BRMS1L: variants seen among roughly 807,000 people sequenced by gnomAD.
BRMS1L encodes breast cancer metastasis-suppressor 1-like protein.
BRMS1L carries 23 observed loss-of-function variants against 50.3 expected under a neutral mutation model. That is an observed-to-expected ratio of 0.46 (90% CI 0.33 to 0.65). BRMS1L has a LOEUF of 0.65. Ranked by LOEUF, BRMS1L falls within the 30% of genes least tolerant of loss-of-function variation. The pLI is 0.02. For synonymous variants in BRMS1L, 114 were observed against 126.9 expected (o/e 0.90, Z 0.69); for missense variants, 286 against 386.1 (o/e 0.74, Z 2.17).
intron 4 of BRMS1L, among the ~76,000 whole-genome samples, chr14:35,843,574 C>T (rs187002657): frequency 1.3e-5 from 2 of 152,316 alleles, no homozygotes; most frequent in African/African-American, 2.4e-5. Flanking sequence ...CAGAGGGGCA[C>T]CTGCCAGATG....
At chr14:35,862,435 C>A (rs11624286) in intron 4 of BRMS1L, among the ~76,000 whole-genome samples, 155 bp from the exon 5 acceptor site, 7,226 of 152,186 alleles carry the variant, frequency 0.047, 268 homozygotes, top group East Asian at 0.24. Flanking sequence ...TTATTTCTTT[C>A]ATGTATTTGA....
intron 4 of BRMS1L, among the ~76,000 whole-genome samples, chr14:35,846,767 T>C (rs1406171778): frequency 6.6e-6 from 1 of 152,348 alleles, no homozygotes; most frequent in South Asian, 2.1e-4. Context: ...GTAAACTTAC[T>C]TTTTTCCCAT....
rs2078014431 is a variant in BRMS1L, at chr14:35,837,855, AT to A, written c.441+2936del. On this transcript the variant is annotated intron_variant, in intron 4 of 9. Coordinates refer to ENST00000216807, the MANE Select transcript of BRMS1L (RefSeq NM_032352.4). ...GCTTGAGCCACCATGTCTGGCCCCA[AT>A]TTTAATTTAAAAAAATTACTTTTTA... Among the ~76,000 whole-genome samples the A allele has an allele frequency of 2.0e-5, 3 of 152,156 alleles. No homozygotes were observed. In the South Asian group the frequency reaches 6.2e-4, roughly 32 times the overall value.
At chr14:35,846,795 G>A (rs528381566) in intron 4 of BRMS1L, among the ~76,000 whole-genome samples, 11 of 152,172 alleles carry the variant, frequency 7.2e-5, no homozygotes, top group African/African-American at 2.6e-4. Flanking sequence ...AATATTTTGA[G>A]GAGAAGGACT....
chr14:35,847,968 G>C (rs78176214), intron 4 of BRMS1L, among the ~76,000 whole-genome samples: 3,607 of 152,238 alleles, frequency 0.024, 99 homozygotes, highest in African/African-American at 0.065. Context: ...TGGGTATTTA[G>C]GTTGTTTCCA....
At chr14:35,865,118 TTTTC>T in intron 7 of BRMS1L, 119 bp downstream of exon 7, 3 of 679,682 alleles carry the variant, frequency 4.4e-6, no homozygotes, top group Non-Finnish European at 4.7e-6. Context: ...TTTGCAACAT[TTTTC>T]TAAGGCAATT....
chr14:35,870,482 G>T lies in BRMS1L; in HGVS notation c.*5G>T, dbSNP rs1419055126. 2.6e-6 allele frequency: 4 copies of T among 1,539,172 alleles called. No homozygotes were observed. The highest frequency in any genetic ancestry group is 3.6e-6 in the Non-Finnish European group (4 of 1,120,128). ...TATTCAATTAAACATTCATAATCAT[G>T]ATTTAAGTGTTATCTAAATTTACCT... On this transcript the variant is annotated 3_prime_UTR_variant, in exon 10 of 10. Transcript: ENST00000216807.
intron 6 of BRMS1L, among the ~76,000 whole-genome samples, chr14:35,864,649 T>C (rs2078397646): frequency 6.6e-6 from 1 of 152,200 alleles, no homozygotes; most frequent in African/African-American, 2.4e-5. Flanking sequence ...GTACCATCCC[T>C]CTACCCCCAT....
At chr14:35,838,048 G>A (rs921992059) in intron 4 of BRMS1L, among the ~76,000 whole-genome samples, 1 of 151,856 alleles carries the variant, frequency 6.6e-6, no homozygotes, top group African/African-American at 2.4e-5. Context: ...CACAGGCCTC[G>A]GTGTGTGATG....
intron 4 of BRMS1L, among the ~76,000 whole-genome samples, chr14:35,839,173 A>T (rs377411466): frequency 6.6e-6 from 1 of 152,104 alleles, no homozygotes; most frequent in Non-Finnish European, 1.5e-5. Context: ...CGAAGATCAG[A>T]TGGTTGTAGG....
intron 4 of BRMS1L, among the ~76,000 whole-genome samples, chr14:35,860,213 T>C (rs903681825): frequency 6.6e-6 from 1 of 152,102 alleles, no homozygotes; most frequent in Non-Finnish European, 1.5e-5. Context: ...TACTGCAACC[T>C]CCACCTTCTG....
At chr14:35,838,115 C>A (rs1011964327) in intron 4 of BRMS1L, among the ~76,000 whole-genome samples, 1 of 152,128 alleles carries the variant, frequency 6.6e-6, no homozygotes, top group Non-Finnish European at 1.5e-5. Context: ...TGAGTGAGAA[C>A]ACGCGGTGTT....
intron 4 of BRMS1L, among the ~76,000 whole-genome samples, chr14:35,838,694 A>G (rs1029165785): frequency 1.8e-4 from 28 of 152,030 alleles, no homozygotes; most frequent in Non-Finnish European, 3.5e-4. Context: ...GTCTGTTCAT[A>G]TCCTTTGCCC....
intron 1 of BRMS1L, 176 bp downstream of exon 1, chr14:35,826,834 T>C: frequency 1.1e-6 from 1 of 886,514 alleles, no homozygotes; most frequent in Middle Eastern, 3.6e-4. Flanking sequence ...GCTGTCTGGC[T>C]CCTGATGGGT....
chr14:35,853,016 A>ATC (rs552883048), intron 4 of BRMS1L, among the ~76,000 whole-genome samples: 24,958 of 150,216 alleles, frequency 0.17, 2,137 homozygotes, highest in East Asian at 0.33. Context: ...CTATCTATCT[A>ATC]TATATAGAGA....
At chr14:35,848,378 T>TGTGTTG (rs2078164760) in intron 4 of BRMS1L, among the ~76,000 whole-genome samples, 2 of 152,150 alleles carry the variant, frequency 1.3e-5, no homozygotes, top group African/African-American at 2.4e-5. Context: ...GGAGTCTTTC[T>TGTGTTG]CTGTTGCTAT....
intron 2 of BRMS1L, among the ~76,000 whole-genome samples, chr14:35,832,487 C>T (rs1418044545): frequency 6.9e-6 from 1 of 145,776 alleles, no homozygotes; most frequent in Non-Finnish European, 1.5e-5. Context: ...GCCTGGGTGA[C>T]GGAGCGAGAC....
Position 35,829,992 on chromosome 14 carries a change from A to G in BRMS1L, c.143-1418A>G, listed in dbSNP as rs146374045. The G allele has an allele frequency of 1.2e-3, 322 of 263,964 alleles. 1 individual carries two copies. The highest frequency in any genetic ancestry group is 7.1e-3 in the African/African-American group (308 of 43,220). 16.4% of individuals were successfully genotyped at this position (263,964 alleles called of 1,614,324 possible). A position where few individuals can be genotyped will look rare whatever the true frequency, so the allele number is the denominator to read the frequency against. On this transcript the variant is annotated intron_variant, in intron 1 of 9. Coordinates refer to ENST00000216807, the MANE Select transcript of BRMS1L (RefSeq NM_032352.4). ...CACTGATAGTAATATGGGTAGACGGAATAAGGGAACGTAGGAATGGCAGAC... is the reference window on the plus strand; with the variant it reads ...CACTGATAGTAATATGGGTAGACGGGATAAGGGAACGTAGGAATGGCAGAC...
intron 4 of BRMS1L, among the ~76,000 whole-genome samples, chr14:35,861,415 G>A (rs2078349385): frequency 6.6e-6 from 1 of 152,178 alleles, no homozygotes; most frequent in African/African-American, 2.4e-5. Context: ...CCACGGTCTT[G>A]TGGAGGGGAA....
Sources: gnomAD v4.1 joint callset for allele counts (sites outside exome capture counted in the v4.1 genomes callset) on GRCh38, gnomAD v4.1.1 for gene constraint, MANE v1.5 for transcripts, NCBI Gene and HGNC (gene_info 2026-07-23, HGNC 2026-07-21) for gene names.